The following KAZN variants were observed in gnomAD, a reference collection of about 807,000 sequenced individuals.
KAZN encodes kazrin, periplakin interacting protein.
KAZN carries 40 observed loss-of-function variants against 87.4 expected under a neutral mutation model. The ratio of observed to expected loss-of-function variants is 0.46; its 90% CI spans 0.36 to 0.60. KAZN has a LOEUF of 0.60. KAZN is among the 20% of genes least tolerant of loss of function. The pLI is 0.00. For synonymous variants in KAZN, 466 were observed against 458.3 expected, an observed-to-expected ratio of 1.02 and a Z score of -0.22; for missense variants, 898 against 1,073.9, an observed-to-expected ratio of 0.84 and a Z score of 2.29.
intron 2 of KAZN, among the ~76,000 whole-genome samples, chr1:14,324,852 C>A (rs1656296922): frequency 6.6e-6 from 1 of 152,072 alleles, no homozygotes; most frequent in African/African-American, 2.4e-5. Flanking sequence ...AATTTGATAT[C>A]AAATATCAAA....
At chr1:13,914,520 A>G (rs1350664522) in intron 1 of KAZN, among the ~76,000 whole-genome samples, 1 of 152,200 alleles carries the variant, frequency 6.6e-6, no homozygotes, top group Non-Finnish European at 1.5e-5. Context: ...CGATTAGGTT[A>G]TGTTATACGG....
intron 2 of KAZN, among the ~76,000 whole-genome samples, chr1:14,416,510 G>T (rs78079001): frequency 6.6e-6 from 1 of 152,180 alleles, no homozygotes; most frequent in Non-Finnish European, 1.5e-5. Flanking sequence ...GCCAAGGCAG[G>T]CAGATCACCT....
chr1:14,529,705 G>A lies in KAZN; in HGVS notation c.250-69278G>A, dbSNP rs1052940651. Among the ~76,000 whole-genome samples, 12 of 152,290 alleles carry A rather than the reference G, an allele frequency of 7.9e-5. No homozygotes were observed. In the East Asian group the frequency reaches 9.6e-4, roughly 12 times the overall value. On this transcript the variant is annotated intron_variant, in intron 2 of 16. Transcript: ENST00000636203. ...CCAGTGAATAGTGGACACACCTCCT[G>A]GGATTAGAAACAGCCAGATGAGGGT... is the stretch of plus-strand genomic sequence containing the variant.
intron 1 of KAZN, among the ~76,000 whole-genome samples, chr1:14,685,490 G>A (rs770438862): frequency 2.6e-5 from 4 of 152,212 alleles, no homozygotes; most frequent in Non-Finnish European, 5.9e-5. Flanking sequence ...GGGGACATGG[G>A]CAGAGGATTG....
intron 2 of KAZN, among the ~76,000 whole-genome samples, chr1:14,370,636 A>T (rs1449822684): frequency 7.3e-6 from 1 of 137,554 alleles, no homozygotes; most frequent in African/African-American, 2.5e-5. Context: ...AAAACCTGGG[A>T]CTGCCAGGGA....
intron 2 of KAZN, among the ~76,000 whole-genome samples, chr1:14,590,105 C>T (rs1284080040): frequency 1.3e-5 from 2 of 152,120 alleles, no homozygotes; most frequent in African/African-American, 4.8e-5. Context: ...TAGCCCCCTA[C>T]CCTCCAAGAA....
At chr1:14,952,028 G>A (rs962235148) in intron 1 of KAZN, among the ~76,000 whole-genome samples, 7 of 152,130 alleles carry the variant, frequency 4.6e-5, no homozygotes, top group South Asian at 4.1e-4. Context: ...AGCCTCAGGC[G>A]GGGACCACCG....
rs1645072383 is a variant in KAZN, at chr1:14,773,273, A to G, written c.226+174050A>G. On this transcript the variant is annotated intron_variant, in intron 1 of 14. Coordinates refer to ENST00000376030, the MANE Select transcript of KAZN (RefSeq NM_201628.3). The surrounding 1 kb of genome is among the most constrained non-coding windows in gnomAD (Gnocchi z 5.9). ...TCCCGCTAGTCATGGGGTGAGCTAC[A>G]GTGGGACTGTGGCACACAGTGGTGG... Among the ~76,000 whole-genome samples the G allele has an allele frequency of 6.6e-6, 1 of 152,146 alleles. No homozygotes were observed. The highest frequency in any genetic ancestry group is 1.5e-5 in the Non-Finnish European group (1 of 68,024).
chr1:14,278,822 G>A (rs1652605539), intron 2 of KAZN, among the ~76,000 whole-genome samples: 1 of 151,256 alleles, frequency 6.6e-6, no homozygotes, highest in Non-Finnish European at 1.5e-5. Flanking sequence ...CCACATTCTG[G>A]ATATTTTTTT....
chr1:14,527,566 C>T (rs1041708546), intron 2 of KAZN, among the ~76,000 whole-genome samples: 24 of 131,000 alleles, frequency 1.8e-4, no homozygotes, highest in East Asian at 7.2e-4. Context: ...AAAAAAAAAA[C>T]GATACAGGTT....
intron 2 of KAZN, among the ~76,000 whole-genome samples, chr1:14,219,448 A>G (rs980865100): frequency 2.6e-5 from 4 of 152,262 alleles, no homozygotes; most frequent in Non-Finnish European, 5.9e-5. Context: ...TACAACTAAT[A>G]AGCTTTTTAA....
At chr1:14,004,787 C>A (rs1639965138) in intron 1 of KAZN, among the ~76,000 whole-genome samples, 1 of 151,722 alleles carries the variant, frequency 6.6e-6, no homozygotes, top group Admixed American at 6.6e-5. Context: ...AGAGATGGGG[C>A]CTTTAGGAGG....
chr1:15,106,754 G>A (rs887135264), intron 13 of KAZN, among the ~76,000 whole-genome samples: 4 of 152,120 alleles, frequency 2.6e-5, no homozygotes, highest in African/African-American at 9.7e-5. Flanking sequence ...ATGACCCAAA[G>A]GCGCCAAGGA....
rs528105221 is a variant in KAZN, at chr1:14,878,307, TG to T, written c.227-82370del. 4.7e-3 allele frequency among the ~76,000 whole-genome samples: 721 copies of T among 152,048 alleles called. 3 individuals carry two copies. Among genetic ancestry groups the T allele is most frequent in the Non-Finnish European group, 8.3e-3 (567 of 67,988 alleles). On this transcript the variant is annotated intron_variant, in intron 1 of 14. Transcript: ENST00000376030. ...TTGGAGTTAAACATTAACAGTTCTT[TG>T]GGGGGGTGGCTGTCCTGTGCATTGT...
intron 8 of KAZN, among the ~76,000 whole-genome samples, chr1:15,093,316 G>A (rs1640641807): frequency 6.6e-6 from 1 of 152,122 alleles, no homozygotes; most frequent in African/African-American, 2.4e-5. Context: ...TTTAACAGCT[G>A]CTGTCTCTAG....
At chr1:14,596,423 A>T (rs1676518393), upstream of KAZN, among the ~76,000 whole-genome samples, 1 of 152,224 alleles carries the variant, frequency 6.6e-6, no homozygotes. Context: ...GTGTATTTGC[A>T]TATATGACTT....
At chr1:14,388,000 G>C (rs1050231369) in intron 2 of KAZN, among the ~76,000 whole-genome samples, 4 of 152,228 alleles carry the variant, frequency 2.6e-5, no homozygotes, top group Non-Finnish European at 4.4e-5. Context: ...ATCCAGGTGC[G>C]GGATATAATC....
rs1640974016 is a variant in KAZN, at chr1:15,099,816, G to T, written c.1548-1727G>T. Reference sequence around the variant, plus strand: ...AGGCAGGAAACGGGGAGCAGCCGGGGAAAGTGGCAGAAACCCACACCAGAG... The same window carrying T: ...AGGCAGGAAACGGGGAGCAGCCGGGTAAAGTGGCAGAAACCCACACCAGAG... On this transcript the variant is annotated intron_variant, in intron 10 of 14. Transcript: ENST00000376030. This position sits in a 1 kb window ranked among gnomAD's most constrained non-coding sequence, Gnocchi z 5.4. 6.6e-6 allele frequency among the ~76,000 whole-genome samples: 1 copy of T among 152,208 alleles called. No individual in the cohort carries two copies. The highest frequency in any genetic ancestry group is 2.4e-5 in the African/African-American group (1 of 41,446).
intron 1 of KAZN, among the ~76,000 whole-genome samples, chr1:14,644,219 C>A (rs1473237077): frequency 6.6e-6 from 1 of 151,552 alleles, no homozygotes; most frequent in Non-Finnish European, 1.5e-5. Context: ...ACCATGTTGG[C>A]CAGGCTGGTC....
Sources: allele counts gnomAD v4.1 joint callset (sites outside exome capture counted in the v4.1 genomes callset), GRCh38; gene constraint gnomAD v4.1.1; non-coding constraint Gnocchi (gnomAD v3.1); transcripts MANE v1.5; gene names NCBI Gene and HGNC (gene_info 2026-07-23, HGNC 2026-07-21).